ACTN3: variants seen among roughly 807,000 people sequenced by gnomAD.
The protein encoded by ACTN3 is actinin alpha 3.
Under a neutral mutation model 119.6 loss-of-function variants are expected in ACTN3, and 91 were observed. The observed-to-expected ratio is 0.76, with a 90% CI of 0.64 to 0.91. The LOEUF (loss-of-function observed/expected upper bound fraction) is 0.91, where lower values mean the gene tolerates loss of function less well. Among genes scored for constraint, ACTN3 ranks in the 40% least tolerant of loss-of-function variants. The pLI is 0.00. For missense variants in ACTN3, 1,221 were observed against 1,215.1 expected (o/e 1.00, Z -0.07); for synonymous variants, 456 against 478.8 (o/e 0.95, Z 0.62).
chr11:66,546,932 A>C lies in ACTN3; in HGVS notation c.-6A>C, dbSNP rs1275546820. 1.3e-6 allele frequency: 2 copies of C among 1,538,260 alleles called. No homozygotes were observed. Among genetic ancestry groups the C allele is most frequent in the African/African-American group, 1.4e-5 (1 of 72,444 alleles). ...CGAGCGGAGCGAAGCCAGGAGCCCG[A>C]TCGAGATGATGATGGTTATGCAGCC... is the stretch of plus-strand genomic sequence containing the variant. On this transcript the variant is annotated 5_prime_UTR_variant, in exon 1 of 21. Coordinates refer to ENST00000513398, the MANE Select transcript of ACTN3 (RefSeq NM_001104.4).
chr11:66,563,047 C>T lies in ACTN3; in HGVS notation c.2560C>T (p.Pro854Ser). The T allele has an allele frequency of 1.2e-6, 2 of 1,611,946 alleles. No homozygotes were observed. Among genetic ancestry groups the T allele is most frequent in the Non-Finnish European group, 1.7e-6 (2 of 1,178,850 alleles). The change falls in exon 21 of 21, where the codon CCC (proline) becomes TCC (serine). Residue 854 changes from proline (P) to serine (S), a missense_variant. This residue lies in a region of ACTN3 where 934 missense variants were observed against 899.9 expected (regional missense o/e 1.04). Coordinates refer to ENST00000513398, the MANE Select transcript of ACTN3 (RefSeq NM_001104.4). ...ILAGDKNYIT[P>S]EELRRELPAK... Reference sequence around the variant, plus strand: ...CTCTTCTCCCCAGAACTACATCACCCCCGAGGAGCTGCGGCGCGAGCTCCC... The same window carrying T: ...CTCTTCTCCCCAGAACTACATCACCTCCGAGGAGCTGCGGCGCGAGCTCCC...
upstream of ACTN3, chr11:66,546,820 C>T (rs1381294878): frequency 8.5e-6 from 13 of 1,527,842 alleles, no homozygotes; most frequent in Admixed American, 2.6e-4. Flanking sequence ...CCATCCGGCC[C>T]CTCCCTCCTC....
In ACTN3 at chr11:66,559,267, C is replaced by T; in HGVS notation, c.1308C>T (p.Tyr436=). The T allele has an allele frequency of 1.9e-6, 3 of 1,564,222 alleles. No homozygotes were observed. Among genetic ancestry groups the T allele is most frequent in the Non-Finnish European group, 2.6e-6 (3 of 1,157,690 alleles). Residue 436 remains tyrosine (Y), a synonymous_variant, in exon 12 of 21, where the codon TAC becomes TAT. Transcript: ENST00000513398. ...AGGAGATGCTGAGCCAGCGCGACTACGATTCGGCTTTGCTACAGGAGGTGC... is the reference window on the plus strand; with the variant it reads ...AGGAGATGCTGAGCCAGCGCGACTATGATTCGGCTTTGCTACAGGAGGTGC... ...GKEEMLSQRD[Y]DSALLQEVRA...
Position 66,560,323 on chromosome 11 carries a change from G to C in ACTN3, c.1677+12G>C, listed in dbSNP as rs1166237798. The C allele has an allele frequency of 1.2e-6, 2 of 1,609,702 alleles. No homozygotes were observed. Among genetic ancestry groups the C allele is most frequent in the Non-Finnish European group, 1.7e-6 (2 of 1,177,622 alleles). On this transcript the variant is annotated intron_variant, in intron 14 of 20. Transcript: ENST00000513398. Reference sequence around the variant, plus strand: ...TGGAGGAGACCCAGGTGGGTGCCAGGGTTGCAGGGGATGGATAGGATGACA... The same window carrying C: ...TGGAGGAGACCCAGGTGGGTGCCAGCGTTGCAGGGGATGGATAGGATGACA...
Position 66,562,125 on chromosome 11 carries a change from A to G in ACTN3, c.2279A>G (p.Glu760Gly). 1.2e-6 allele frequency: 2 copies of G among 1,614,048 alleles called. No homozygotes were observed. The highest frequency in any genetic ancestry group is 8.5e-7 in the Non-Finnish European group (1 of 1,179,988). The change falls in exon 18 of 21, where the codon GAG becomes GGG. Residue 760 changes from glutamate to glycine, a missense_variant. Transcript: ENST00000513398. ...CGAGACGCCAAGGGACTGAGCCAGG[A>G]GCAGCTCAACGAGTTCCGAGCATCC... ...LTRDAKGLSQ[E>G]QLNEFRASFN...
chr11:66,557,050 C>G, intron 8 of ACTN3, 83 bp from the exon 9 acceptor site: 1 of 1,292,400 alleles, frequency 7.7e-7, no homozygotes, highest in Non-Finnish European at 1.1e-6. Flanking sequence ...CGTGAGCCAC[C>G]GCGCTCGGCG....
rs778666308 is a variant in ACTN3 at position 66,554,050 on chromosome 11, G to A, written c.388G>A (p.Val130Ile). Residue 130 changes from valine to isoleucine, a missense_variant, in exon 4 of 21, where the codon GTT becomes ATT. By Grantham distance (29) the Val-to-Ile change is conservative. This residue lies in a region of ACTN3 where 239 missense variants were observed against 231.8 expected (regional missense o/e 1.03). Transcript: ENST00000513398. ...KLVSIGAEEIVDGNLKMTLGM... is the reference protein window; with the variant it reads ...KLVSIGAEEIIDGNLKMTLGM... ...CCCTGACCCCTGCCCTGCAGAGATTGTTGACGGGAACCTGAAGATGACCCT... is the reference window on the plus strand; with the variant it reads ...CCCTGACCCCTGCCCTGCAGAGATTATTGACGGGAACCTGAAGATGACCCT... 9 of 1,613,792 alleles carry A rather than the reference G, an allele frequency of 5.6e-6. No individual in the cohort carries two copies. The highest frequency in any genetic ancestry group is 1.7e-4 in the Middle Eastern group (1 of 6,060).
rs756597388 is a variant in ACTN3, at chr11:66,557,921, C to G, written c.1120C>G (p.Leu374Val). The G allele has an allele frequency of 1.9e-6, 3 of 1,613,588 alleles. No homozygotes were observed. In the South Asian group the frequency reaches 3.3e-5, roughly 18 times the overall value. ...TGCCTTCATGCCCTCCGAGGGCAAG[C>G]TGGTCTCGGTGAGCTCTACACACAT... is the stretch of plus-strand genomic sequence containing the variant. ...RPAFMPSEGK[L>V]VSDIANAWRG... The change falls in exon 10 of 21, where the codon CTG (leucine) becomes GTG (valine). Residue 374 changes from leucine to valine, a missense_variant. Physicochemically the swap from Leu to Val is conservative, Grantham distance 32. This residue lies in a region of ACTN3 where 934 missense variants were observed against 899.9 expected (regional missense o/e 1.04). Transcript: ENST00000513398.
At chr11:66,554,212 C>T in intron 4 of ACTN3, 81 bp downstream of exon 4, 1 of 1,220,620 alleles carries the variant, frequency 8.2e-7, no homozygotes, top group South Asian at 1.3e-5. Context: ...TCGAGGCGGG[C>T]AGACCACTTG....
At chr11:66,549,596 C>T (rs1264699488) in intron 1 of ACTN3, among the ~76,000 whole-genome samples, 1 of 151,740 alleles carries the variant, frequency 6.6e-6, no homozygotes, top group Non-Finnish European at 1.5e-5. Flanking sequence ...CAGGGCGTGG[C>T]GACGCATGCC....
At chr11:66,561,898 TG>T in intron 17 of ACTN3, 123 bp from the exon 18 acceptor site, 1 of 1,190,940 alleles carries the variant, frequency 8.4e-7, no homozygotes, top group Non-Finnish European at 1.2e-6. Flanking sequence ...AGCCTCCAGA[TG>T]GGGATGGAGG....
chr11:66,559,505 C>A, intron 12 of ACTN3, 119 bp downstream of exon 12: 1 of 1,066,426 alleles, frequency 9.4e-7, no homozygotes, highest in Non-Finnish European at 1.3e-6. Flanking sequence ...TTCTGTAACC[C>A]CGCCGTGGTA....
At chr11:66,560,479 G>A in intron 14 of ACTN3, 94 bp from the exon 15 acceptor site, 1 of 1,497,408 alleles carries the variant, frequency 6.7e-7, no homozygotes. Context: ...GGACTGCCCA[G>A]GACTGGTGGG....
In ACTN3 at chr11:66,561,635, G is replaced by C. The variant is rs1857770672; in HGVS notation, c.2173G>C (p.Glu725Gln). Residue 725 changes from glutamate (E) to glutamine (Q), a missense_variant and splice_region_variant, in exon 17 of 21, where the codon GAG (glutamate) becomes CAG (glutamine). Physicochemically the swap from Glu to Gln is conservative, Grantham distance 29. Transcript: ENST00000513398. ...FDNKHTVYSM[E>Q]HIRVGWEQLL... Reference sequence around the variant, plus strand: ...CAATAAGCACACCGTCTACAGCATGGAGGTGGGATCACACCCTCTCAGGAG... The same window carrying C: ...CAATAAGCACACCGTCTACAGCATGCAGGTGGGATCACACCCTCTCAGGAG... 5 of 1,611,036 alleles carry C rather than the reference G, an allele frequency of 3.1e-6. 1 individual carries two copies. Among genetic ancestry groups the C allele is most frequent in the African/African-American group, 2.7e-5 (2 of 75,016 alleles).
intron 11 of ACTN3, 189 bp downstream of exon 11, chr11:66,558,363 C>G (rs1219021306): frequency 3.2e-6 from 1 of 310,934 alleles, no homozygotes; most frequent in Non-Finnish European, 4.7e-6. Flanking sequence ...TTGGCCACTG[C>G]CCCTCTGTGG....
intron 4 of ACTN3, 85 bp downstream of exon 4, chr11:66,554,216 C>G: frequency 1.7e-6 from 2 of 1,165,480 alleles, no homozygotes; most frequent in Non-Finnish European, 2.5e-6. Flanking sequence ...GGCGGGCAGA[C>G]CACTTGAAGG....
chr11:66,547,117 C>T lies in ACTN3; in HGVS notation c.147+33C>T, dbSNP rs758640053. The T allele has an allele frequency of 3.9e-5, 57 of 1,473,958 alleles. 1 individual carries two copies. The highest frequency in any genetic ancestry group is 2.5e-4 in the Middle Eastern group (1 of 3,940). 91.3% of individuals were successfully genotyped at this position (1,473,958 alleles called of 1,614,324 possible). On this transcript the variant is annotated intron_variant, in intron 1 of 20. Coordinates refer to ENST00000513398, the MANE Select transcript of ACTN3 (RefSeq NM_001104.4). ...CTCGCCCATTTCCTGACAGCAAAACCGAGGCCTGAGAGGCCGGGCTGTTTG... is the reference window on the plus strand; with the variant it reads ...CTCGCCCATTTCCTGACAGCAAAACTGAGGCCTGAGAGGCCGGGCTGTTTG...
At chr11:66,559,120 G>A (rs985249801) in intron 11 of ACTN3, 116 bp from the exon 12 acceptor site, 20 of 1,142,320 alleles carry the variant, frequency 1.8e-5, no homozygotes, top group Non-Finnish European at 2.2e-5. Flanking sequence ...TCCCTAGGAC[G>A]AGCTAGGCCG....
rs774050701 is a variant in ACTN3 at position 66,555,219 on chromosome 11, C to T, written c.636+11C>T. On this transcript the variant is annotated intron_variant, in intron 6 of 20. Transcript: ENST00000513398. ...GCCAAACTGCGAAAGGTAGAGGCCC[C>T]CACCACCCCAGCCCAAGGCCTCTGC... 6.2e-7 allele frequency: 1 copy of T among 1,613,962 alleles called. No individual in the cohort carries two copies. The highest frequency in any genetic ancestry group is 8.5e-7 in the Non-Finnish European group (1 of 1,179,914).
Sources: allele counts gnomAD v4.1 joint callset (sites outside exome capture counted in the v4.1 genomes callset), GRCh38; gene constraint gnomAD v4.1.1; regional missense constraint gnomAD v4.1.1; transcripts MANE v1.5; gene names NCBI Gene and HGNC (gene_info 2026-07-23, HGNC 2026-07-21).